Variants in EXT2 observed in about 807,000 individuals in gnomAD.
EXT2 encodes exostosin-2.
In EXT2, 53 loss-of-function variants were observed where a neutral mutation model predicts 81.6. The ratio of observed to expected loss-of-function variants is 0.65; its 90% CI spans 0.52 to 0.82. The LOEUF (loss-of-function observed/expected upper bound fraction) is 0.82, where lower values mean the gene tolerates loss of function less well. Among genes scored for constraint, EXT2 ranks in the 40% least tolerant of loss-of-function variants. The pLI, the probability that EXT2 is intolerant of heterozygous loss-of-function variation, is 0.00. For synonymous variants in EXT2, 320 were observed against 340.0 expected (o/e 0.94, Z 0.65); for missense variants, 774 against 910.2 (o/e 0.85, Z 1.93).
At chr11:44,200,358 C>T (rs191315564) in intron 9 of EXT2, among the ~76,000 whole-genome samples, 2 of 150,392 alleles carry the variant, frequency 1.3e-5, no homozygotes, top group Admixed American at 1.3e-4. Context: ...TTTGGTTACA[C>T]TTAAGTCCAA....
chr11:44,213,075 T>C (rs1408965296), intron 10 of EXT2, among the ~76,000 whole-genome samples: 1 of 151,736 alleles, frequency 6.6e-6, no homozygotes, highest in Admixed American at 6.6e-5. Context: ...AAAAAAATTG[T>C]GGGATGCAGC....
At chr11:44,162,059 C>T (rs536273587) in intron 7 of EXT2, among the ~76,000 whole-genome samples, 144 of 152,174 alleles carry the variant, frequency 9.5e-4, no homozygotes, top group Middle Eastern at 3.4e-3. Flanking sequence ...AGAAAAAGGA[C>T]TTTAGGAGAA....
intron 8 of EXT2, among the ~76,000 whole-genome samples, chr11:44,181,298 C>G (rs1449382375): frequency 6.6e-6 from 1 of 151,688 alleles, no homozygotes; most frequent in African/African-American, 2.4e-5. Flanking sequence ...ACCTTTTTTT[C>G]CTTCCTGGCA....
At chr11:44,142,733 T>C (rs1005663615) in intron 7 of EXT2, among the ~76,000 whole-genome samples, 2 of 152,160 alleles carry the variant, frequency 1.3e-5, no homozygotes, top group Non-Finnish European at 2.9e-5. Context: ...TGGCATTTGA[T>C]GGGAATGAGG....
At chr11:44,211,009 A>G (rs891321423) in intron 10 of EXT2, among the ~76,000 whole-genome samples, 2 of 152,254 alleles carry the variant, frequency 1.3e-5, no homozygotes, top group African/African-American at 4.8e-5. Context: ...CAATTTTTTA[A>G]AAGAAGAACA....
At chr11:44,167,953 A>G (rs1446022730) in intron 7 of EXT2, among the ~76,000 whole-genome samples, 1 of 150,610 alleles carries the variant, frequency 6.6e-6, no homozygotes, top group African/African-American at 2.5e-5. Flanking sequence ...TCCCAATGCT[A>G]TCCCTCCCCC....
Position 44,109,032 on chromosome 11 carries a change from T to C in EXT2, c.537-162T>C, listed in dbSNP as rs533025484. On this transcript the variant is annotated intron_variant, in intron 2 of 13. Coordinates refer to ENST00000533608, the MANE Select transcript of EXT2 (RefSeq NM_207122.2). ...ATTTTTCCCTGTCATGGAGCCAGACTTGTGTCTGATGTGCTGTTGGGATTT... is the reference window on the plus strand; with the variant it reads ...ATTTTTCCCTGTCATGGAGCCAGACCTGTGTCTGATGTGCTGTTGGGATTT... Among the ~76,000 whole-genome samples the C allele has an allele frequency of 5.3e-5, 8 of 152,348 alleles. No homozygotes were observed. In the South Asian group the frequency reaches 1.4e-3, roughly 28 times the overall value.
At position 44,108,175 on chromosome 11, in the gene EXT2, C is replaced by G. The variant is rs772319735; in HGVS notation, c.463C>G (p.Pro155Ala). Residue 155 changes from proline to alanine, a missense_variant, in exon 2 of 14, where the codon CCC becomes GCC. By Grantham distance (27) the Pro-to-Ala change is conservative. Coordinates refer to ENST00000533608, the MANE Select transcript of EXT2 (RefSeq NM_207122.2). Reference protein sequence around the residue: ...DDINRACLFVPSIDVLNQNTL... With the variant: ...DDINRACLFVASIDVLNQNTL... ...CATCAACCGGGCCTGTCTGTTTGTT[C>G]CCTCCATCGATGTGCTTAACCAGAA... 1.2e-6 allele frequency: 2 copies of G among 1,613,946 alleles called. No homozygotes were observed. Among genetic ancestry groups the G allele is most frequent in the East Asian group, 2.2e-5 (1 of 44,876 alleles).
chr11:44,146,406 GT>G (rs1400019561), intron 7 of EXT2, among the ~76,000 whole-genome samples: 1 of 152,212 alleles, frequency 6.6e-6, no homozygotes, highest in Non-Finnish European at 1.5e-5. Context: ...TTGAGAAAGG[GT>G]TTTGCTTCTG....
chr11:44,177,462 C>G (rs998682011), intron 8 of EXT2, among the ~76,000 whole-genome samples: 1 of 152,196 alleles, frequency 6.6e-6, no homozygotes, highest in Admixed American at 6.5e-5. Context: ...TGGACACCCT[C>G]CTCATTTTAC....
At chr11:44,208,356 G>A (rs1955608678) in intron 10 of EXT2, among the ~76,000 whole-genome samples, 1 of 152,154 alleles carries the variant, frequency 6.6e-6, no homozygotes, top group Admixed American at 6.5e-5. Context: ...AGTATTTTCA[G>A]TTGGTCTAAA....
intron 10 of EXT2, among the ~76,000 whole-genome samples, chr11:44,209,176 GA>G (rs1317771756): frequency 6.6e-6 from 1 of 152,196 alleles, no homozygotes; most frequent in Non-Finnish European, 1.5e-5. Flanking sequence ...CTCCCACATG[GA>G]AAGTGGGATT....
chr11:44,143,143 G>T (rs985727464), intron 7 of EXT2, among the ~76,000 whole-genome samples: 2 of 152,098 alleles, frequency 1.3e-5, no homozygotes, highest in African/African-American at 4.8e-5. Flanking sequence ...GTAGAGACAG[G>T]GTTTCACTAT....
intron 7 of EXT2, among the ~76,000 whole-genome samples, chr11:44,136,239 C>T (rs1219859179): frequency 6.6e-6 from 1 of 152,170 alleles, no homozygotes; most frequent in African/African-American, 2.4e-5. Context: ...CCCTCCTTTC[C>T]CACCCCCAGT....
intron 9 of EXT2, among the ~76,000 whole-genome samples, chr11:44,202,959 T>C (rs1343500867): frequency 6.6e-6 from 1 of 152,202 alleles, no homozygotes; most frequent in East Asian, 1.9e-4. Flanking sequence ...TTCCACCTGA[T>C]GTCAAGTAGA....
chr11:44,140,589 G>A (rs1454448575), intron 7 of EXT2, among the ~76,000 whole-genome samples: 4 of 152,142 alleles, frequency 2.6e-5, no homozygotes, highest in Non-Finnish European at 5.9e-5. Context: ...CAAAATCTTT[G>A]GCATCTCCTG....
intron 4 of EXT2, among the ~76,000 whole-genome samples, chr11:44,119,124 T>TTTTATATATATATATA (rs1555004226): frequency 3.1e-4 from 8 of 25,648 alleles, no homozygotes; most frequent in East Asian, 2.0e-3. Context: ...ATTTGGCTAT[T>TTTTATATATATATATA]TATATATATA....
intron 7 of EXT2, among the ~76,000 whole-genome samples, chr11:44,136,810 C>T (rs924468889): frequency 1.3e-5 from 2 of 152,134 alleles, no homozygotes; most frequent in Non-Finnish European, 2.9e-5. Context: ...TTTGTACTTG[C>T]CCTTAAACAG....
At chr11:44,202,983 T>A (rs1358026433) in intron 9 of EXT2, among the ~76,000 whole-genome samples, 1 of 152,208 alleles carries the variant, frequency 6.6e-6, no homozygotes, top group Non-Finnish European at 1.5e-5. Flanking sequence ...CTGACCTAAG[T>A]TAGTGCATTT....
Sources: allele counts gnomAD v4.1 joint callset (sites outside exome capture counted in the v4.1 genomes callset), GRCh38; gene constraint gnomAD v4.1.1; transcripts MANE v1.5; gene names NCBI Gene and HGNC (gene_info 2026-07-23, HGNC 2026-07-21).